Variants in KLHL7 observed in about 807,000 individuals in gnomAD.
KLHL7 encodes the protein kelch-like protein 7.
In KLHL7, 44 loss-of-function variants were observed where a neutral mutation model predicts 67.4. That is an observed-to-expected ratio of 0.65 (90% CI 0.51 to 0.84). The LOEUF (loss-of-function observed/expected upper bound fraction) is 0.84. Among genes scored for constraint, KLHL7 ranks in the 40% least tolerant of loss-of-function variants. The pLI, the probability that KLHL7 is intolerant of heterozygous loss-of-function variation, is 0.00. For synonymous variants in KLHL7, 252 were observed against 243.3 expected, an observed-to-expected ratio of 1.04 and a Z score of -0.33; for missense variants, 362 against 718.1, an observed-to-expected ratio of 0.50 and a Z score of 5.67.
At chr7:23,141,968 G>C (rs1377864768) in intron 5 of KLHL7, among the ~76,000 whole-genome samples, 4 of 151,964 alleles carry the variant, frequency 2.6e-5, no homozygotes, top group Admixed American at 6.6e-5. Context: ...GCCCAGGCTG[G>C]AGTGCAGTGG....
intron 6 of KLHL7, 54 bp downstream of exon 6, chr7:23,144,079 G>T: frequency 1.4e-6 from 2 of 1,444,032 alleles, no homozygotes; most frequent in Non-Finnish European, 1.9e-6. Context: ...GTTTCTCATG[G>T]GCTTAAAACC....
At chr7:23,143,790 A>T in intron 5 of KLHL7, 61 bp from the exon 6 acceptor site, 1 of 1,497,234 alleles carries the variant, frequency 6.7e-7, no homozygotes, top group Non-Finnish European at 9.3e-7. Flanking sequence ...GAGAGTAAAC[A>T]TAGGTAATTG....
chr7:23,146,021 A>G (rs1211449588), intron 6 of KLHL7, among the ~76,000 whole-genome samples: 1 of 152,150 alleles, frequency 6.6e-6, no homozygotes, highest in African/African-American at 2.4e-5. Context: ...CATGAACCAC[A>G]GTGCCTGGCC....
intron 7 of KLHL7, among the ~76,000 whole-genome samples, chr7:23,155,538 C>T (rs1784676594): frequency 6.6e-6 from 1 of 151,764 alleles, no homozygotes; most frequent in Non-Finnish European, 1.5e-5. Context: ...GTGGCAGGCG[C>T]CTGTAATCCC....
chr7:23,138,647 C>T (rs1283195518), intron 4 of KLHL7, among the ~76,000 whole-genome samples: 1 of 151,774 alleles, frequency 6.6e-6, no homozygotes, highest in Non-Finnish European at 1.5e-5. Flanking sequence ...AAGTGATCCT[C>T]CTGCCTCAGC....
chr7:23,128,423 A>T (rs1002033971), intron 4 of KLHL7, among the ~76,000 whole-genome samples: 37 of 12,730 alleles, frequency 2.9e-3, no homozygotes, highest in Non-Finnish European at 3.8e-3. Flanking sequence ...CTTTGGGTTT[A>T]AAAAAAAAAA....
intron 1 of KLHL7, among the ~76,000 whole-genome samples, chr7:23,113,158 T>C (rs1312047458): frequency 6.6e-6 from 1 of 152,008 alleles, no homozygotes; most frequent in Non-Finnish European, 1.5e-5. Flanking sequence ...AATGAGATCA[T>C]CTGCTAAAAT....
chr7:23,147,559 C>T (rs1245871514), intron 6 of KLHL7, among the ~76,000 whole-genome samples: 1 of 152,112 alleles, frequency 6.6e-6, no homozygotes, highest in Non-Finnish European at 1.5e-5. Context: ...TTTCTGGTGG[C>T]GTAATTCCTT....
chr7:23,142,270 A>T (rs1379848419), intron 5 of KLHL7, among the ~76,000 whole-genome samples: 1 of 152,154 alleles, frequency 6.6e-6, no homozygotes. Context: ...TTAAGCCACT[A>T]AGTTTGTGGT....
chr7:23,159,084 T>C (rs1000929412), intron 7 of KLHL7, among the ~76,000 whole-genome samples: 6 of 152,168 alleles, frequency 3.9e-5, no homozygotes, highest in African/African-American at 1.4e-4. Flanking sequence ...GGAATCTAAC[T>C]GGACTGCACT....
intron 4 of KLHL7, among the ~76,000 whole-genome samples, chr7:23,137,955 C>T (rs1784039691): frequency 6.7e-6 from 1 of 149,530 alleles, no homozygotes; most frequent in African/African-American, 2.5e-5. Context: ...GCGGGCGGAC[C>T]ACTTGAGGTC....
intron 9 of KLHL7, chr7:23,171,070 C>T (rs1202307837): frequency 5.4e-6 from 1 of 186,330 alleles, no homozygotes; most frequent in African/African-American, 2.4e-5. Context: ...ACCACACGGG[C>T]TAATTTTTGT....
rs1252872695 is a variant in KLHL7, at chr7:23,105,869, G to A, written c.-158G>A. On this transcript the variant is annotated 5_prime_UTR_variant, in exon 1 of 11. It adds an upstream start codon to the 5' untranslated region. Transcript: ENST00000339077. ...GGCCGCCCGGCCTTGTCTTTCGGCA[G>A]TGGCCGAGCCACCGCCGCCTGCCGC... The A allele has an allele frequency of 8.8e-7, 1 of 1,133,302 alleles. No individual in the cohort carries two copies. The highest frequency in any genetic ancestry group is 1.3e-6 in the Non-Finnish European group (1 of 786,336). 70.2% of individuals were successfully genotyped at this position (1,133,302 alleles called of 1,614,324 possible).
intron 7 of KLHL7, among the ~76,000 whole-genome samples, chr7:23,159,855 A>C (rs1439913254): frequency 1.3e-5 from 2 of 152,158 alleles, no homozygotes; most frequent in Non-Finnish European, 2.9e-5. Context: ...TTCTGGTCTA[A>C]AGCCAAAAAG....
intron 7 of KLHL7, among the ~76,000 whole-genome samples, chr7:23,163,258 C>T (rs1042991557): frequency 6.6e-6 from 1 of 151,318 alleles, no homozygotes; most frequent in Non-Finnish European, 1.5e-5. Context: ...GCAACTTCTG[C>T]CTCCCAGGTT....
chr7:23,124,890 C>T (rs752395020), intron 3 of KLHL7, 109 bp downstream of exon 3: 30 of 1,119,740 alleles, frequency 2.7e-5, no homozygotes, highest in African/African-American at 4.7e-5. Flanking sequence ...TGAAAAACCG[C>T]AAGGATGGAA....
chr7:23,155,724 A>G (rs933360313), intron 7 of KLHL7, among the ~76,000 whole-genome samples: 1 of 152,228 alleles, frequency 6.6e-6, no homozygotes, highest in Admixed American at 6.5e-5. Flanking sequence ...GATTAATAAT[A>G]ATTACACCCA....
intron 1 of KLHL7, chr7:23,118,031 T>A (rs1783170345): frequency 6.4e-7 from 1 of 1,569,020 alleles, no homozygotes; most frequent in East Asian, 2.2e-5. Flanking sequence ...GTTGACTGCA[T>A]GCCTCTTACT....
rs1174209974 is a variant in KLHL7, at chr7:23,172,718, A to G, written c.1380-230A>G. On this transcript the variant is annotated intron_variant, in intron 9 of 10. Transcript: ENST00000339077. ...TTTTAATAGATATCCTCATTTTCTT[A>G]TATCCTATCAGAATTGAAAGGAATA... 4.0e-5 allele frequency: 17 copies of G among 427,166 alleles called. No individual in the cohort carries two copies. In the East Asian group the frequency reaches 6.5e-4, roughly 16 times the overall value. 26.5% of individuals were successfully genotyped at this position (427,166 alleles called of 1,614,324 possible).
Sources: allele counts gnomAD v4.1 joint callset (sites outside exome capture counted in the v4.1 genomes callset), GRCh38; gene constraint gnomAD v4.1.1; transcripts MANE v1.5; gene names NCBI Gene and HGNC (gene_info 2026-07-23, HGNC 2026-07-21).